The following ERCC6L2 variants were observed in gnomAD, a reference collection of about 807,000 sequenced individuals.
ERCC6L2 encodes the protein DNA excision repair protein ERCC-6-like 2.
Under a neutral mutation model 132.0 loss-of-function variants are expected in ERCC6L2, and 77 were observed. That is an observed-to-expected ratio of 0.58 (90% CI 0.49 to 0.71). The LOEUF (loss-of-function observed/expected upper bound fraction) is 0.71. ERCC6L2 is among the 30% of genes least tolerant of loss of function. The pLI is 0.00. For missense variants in ERCC6L2, 1,542 were observed against 1,837.6 expected, an observed-to-expected ratio of 0.84 and a Z score of 2.94; for synonymous variants, 583 against 632.4, an observed-to-expected ratio of 0.92 and a Z score of 1.17.
At chr9:96,021,063 G>A (rs1049851972), downstream of ERCC6L2, 8 of 448,436 alleles carry the variant, frequency 1.8e-5, no homozygotes, top group Non-Finnish European at 3.1e-5. The surrounding 1 kb of genome is among the most constrained non-coding windows in gnomAD (Gnocchi z 4.7). Flanking sequence ...AGGGGGCACC[G>A]CCTGCGCCGG....
chr9:95,935,988 G>T (rs1470495937), intron 11 of ERCC6L2, among the ~76,000 whole-genome samples: 1 of 152,126 alleles, frequency 6.6e-6, no homozygotes, highest in Non-Finnish European at 1.5e-5. Flanking sequence ...ATGTGAGAAT[G>T]GGCATGGGTG....
chr9:95,887,161 A>C (rs1216574108), intron 2 of ERCC6L2, among the ~76,000 whole-genome samples: 1 of 152,002 alleles, frequency 6.6e-6, no homozygotes, highest in Non-Finnish European at 1.5e-5. Context: ...AATAAAAGGA[A>C]ATGAGGCCAA....
At chr9:95,915,602 CTAAAAT>C in intron 4 of ERCC6L2, 60 bp from the exon 5 acceptor site, 1 of 1,469,838 alleles carries the variant, frequency 6.8e-7, no homozygotes, top group Non-Finnish European at 9.2e-7. Context: ...AAGCTACTGT[CTAAAAT>C]TGTAAGGACT....
chr9:95,984,092 C>T (rs1262455780), intron 17 of ERCC6L2, among the ~76,000 whole-genome samples: 1 of 150,864 alleles, frequency 6.6e-6, no homozygotes, highest in Non-Finnish European at 1.5e-5. Context: ...TATATACATA[C>T]GTATATATAA....
chr9:95,941,868 A>T (rs74859207), intron 12 of ERCC6L2, among the ~76,000 whole-genome samples: 1 of 152,130 alleles, frequency 6.6e-6, no homozygotes, highest in South Asian at 2.1e-4. Context: ...ATAGAAAGCA[A>T]GTAGAATCTG....
intron 4 of ERCC6L2, 129 bp from the exon 5 acceptor site, chr9:95,915,539 T>C: frequency 1.1e-6 from 1 of 896,602 alleles, no homozygotes; most frequent in East Asian, 2.4e-5. Context: ...AAGAATCCAA[T>C]GGAGTCATCA....
chr9:95,919,796 A>T, intron 6 of ERCC6L2, among the ~76,000 whole-genome samples: 1 of 152,236 alleles, frequency 6.6e-6, no homozygotes, highest in East Asian at 1.9e-4. Context: ...CATGAGAGGC[A>T]AAAAAGGTGA....
intron 2 of ERCC6L2, among the ~76,000 whole-genome samples, chr9:95,883,078 C>A (rs1181892376): frequency 1.3e-5 from 2 of 152,142 alleles, no homozygotes; most frequent in Non-Finnish European, 2.9e-5. Flanking sequence ...TATCTGAGTT[C>A]CTTCCTCAGG....
intron 2 of ERCC6L2, among the ~76,000 whole-genome samples, chr9:95,887,179 C>T (rs983393532): frequency 2.6e-5 from 4 of 151,774 alleles, no homozygotes; most frequent in African/African-American, 9.7e-5. Flanking sequence ...CAAGAGTCAT[C>T]TAGTCTGGTA....
intron 3 of ERCC6L2, among the ~76,000 whole-genome samples, chr9:95,903,404 T>G (rs377037498): frequency 7.8e-4 from 119 of 152,134 alleles, no homozygotes; most frequent in Non-Finnish European, 1.5e-3. Context: ...TCTCAACTTA[T>G]GAAAAATAAA....
chr9:95,887,108 A>G (rs1827913699), intron 2 of ERCC6L2, among the ~76,000 whole-genome samples: 1 of 152,098 alleles, frequency 6.6e-6, no homozygotes, highest in Non-Finnish European at 1.5e-5. Context: ...CTGTCCCTCT[A>G]GAGAACCCTA....
intron 11 of ERCC6L2, among the ~76,000 whole-genome samples, chr9:95,933,389 G>A (rs142826466): frequency 2.0e-5 from 3 of 152,084 alleles, no homozygotes; most frequent in Non-Finnish European, 4.4e-5. Flanking sequence ...CTAATAAGCA[G>A]TTTTCCAAAG....
rs138681958 is a variant in ERCC6L2 at position 95,883,120 on chromosome 9, A to G, written c.471+1827A>G. Among the ~76,000 whole-genome samples the G allele has an allele frequency of 5.7e-3, 873 of 152,332 alleles. 14 individuals are homozygous for G. The highest frequency in any genetic ancestry group is 0.02 in the African/African-American group (841 of 41,572). ...CCCCCAGGCCTCTCAAAAAGTATCA[A>G]AGAACTGAAACTCACCAGATCGTAG... On this transcript the variant is annotated intron_variant, in intron 2 of 18. Coordinates refer to ENST00000653738, the MANE Select transcript of ERCC6L2 (RefSeq NM_020207.7).
chr9:95,884,831 G>T (rs372379647), intron 2 of ERCC6L2, among the ~76,000 whole-genome samples: 2 of 152,170 alleles, frequency 1.3e-5, no homozygotes, highest in African/African-American at 4.8e-5. Context: ...ATATGGCTTC[G>T]AAAGGGAATA....
intron 19 of ERCC6L2, among the ~76,000 whole-genome samples, chr9:96,030,644 G>C (rs1234261978): frequency 6.7e-6 from 1 of 149,668 alleles, no homozygotes. Context: ...GGAGCTTGCA[G>C]TGAGCCGAGA....
chr9:95,887,051 T>G (rs1827909384), intron 2 of ERCC6L2, among the ~76,000 whole-genome samples: 1 of 152,230 alleles, frequency 6.6e-6, no homozygotes, highest in African/African-American at 2.4e-5. Context: ...CGTGATCGTG[T>G]GAGATAGTAC....
chr9:96,039,729 A>C (rs1255207666), intron 20 of ERCC6L2, among the ~76,000 whole-genome samples: 1 of 151,968 alleles, frequency 6.6e-6, no homozygotes, highest in African/African-American at 2.4e-5. Context: ...CCAAGAGAAG[A>C]CTCTGAAGGC....
chr9:95,911,367 G>A (rs991541535), intron 4 of ERCC6L2, among the ~76,000 whole-genome samples: 1 of 151,954 alleles, frequency 6.6e-6, no homozygotes, highest in Non-Finnish European at 1.5e-5. Context: ...TTTAATTTCT[G>A]TATCTCAGTA....
At chr9:95,996,248 G>GC (rs1303862793) in intron 17 of ERCC6L2, among the ~76,000 whole-genome samples, 1 of 152,238 alleles carries the variant, frequency 6.6e-6, no homozygotes, top group African/African-American at 2.4e-5. Context: ...ATTCCCTTAA[G>GC]CCTAGGCAAG....
Sources: allele counts gnomAD v4.1 joint callset (sites outside exome capture counted in the v4.1 genomes callset), GRCh38; gene constraint gnomAD v4.1.1; non-coding constraint Gnocchi (gnomAD v3.1); transcripts MANE v1.5; gene names NCBI Gene and HGNC (gene_info 2026-07-23, HGNC 2026-07-21).